DMXL2: variants seen among roughly 807,000 people sequenced by gnomAD.
The protein encoded by DMXL2 is dmX-like protein 2.
Under a neutral mutation model 331.1 loss-of-function variants are expected in DMXL2, and 103 were observed. That is an observed-to-expected ratio of 0.31 (90% confidence interval 0.27 to 0.37). DMXL2 has a LOEUF of 0.37. Ranked by LOEUF, DMXL2 falls within the 10% of genes least tolerant of loss-of-function variation. The probability of loss-of-function intolerance (pLI) is 1.00; values close to 1 mark genes in which losing one functional copy is unlikely to be tolerated. For synonymous variants in DMXL2, 1,281 were observed against 1,252.1 expected (o/e 1.02, Z -0.49); for missense variants, 3,171 against 3,642.9 (o/e 0.87, Z 3.33).
At chr15:51,598,866 C>T (rs765653033) in intron 1 of DMXL2, among the ~76,000 whole-genome samples, 1 of 152,118 alleles carries the variant, frequency 6.6e-6, no homozygotes, top group Middle Eastern at 3.2e-3. Context: ...AATAAGTATA[C>T]TGTGGGAATA....
chr15:51,572,964 G>A (rs557821893), intron 2 of DMXL2, among the ~76,000 whole-genome samples: 4 of 152,090 alleles, frequency 2.6e-5, no homozygotes, highest in African/African-American at 9.7e-5. Flanking sequence ...AGAAATAAAG[G>A]GTATTCAATT....
intron 2 of DMXL2, among the ~76,000 whole-genome samples, chr15:51,572,098 G>A (rs984681182): frequency 2.6e-5 from 4 of 151,778 alleles, no homozygotes; most frequent in African/African-American, 9.7e-5. Flanking sequence ...AATGATAAAG[G>A]GGATATCACC....
At chr15:51,533,288 T>C (rs966281319) in intron 13 of DMXL2, among the ~76,000 whole-genome samples, 1 of 152,138 alleles carries the variant, frequency 6.6e-6, no homozygotes, top group African/African-American at 2.4e-5. Flanking sequence ...CCCAAAGTGC[T>C]TGGATTACAG....
chr15:51,482,648 G>A (rs2042098449), intron 23 of DMXL2, among the ~76,000 whole-genome samples: 1 of 152,178 alleles, frequency 6.6e-6, no homozygotes, highest in South Asian at 2.1e-4. Flanking sequence ...CAGGTCTGGG[G>A]CAGGAAATGT....
chr15:51,476,520 G>T (rs2041594334), intron 27 of DMXL2, 69 bp downstream of exon 27: 4 of 1,544,708 alleles, frequency 2.6e-6, no homozygotes, highest in South Asian at 2.4e-5. Flanking sequence ...GCAGGAAACT[G>T]GTCAGTAGGC....
chr15:51,523,398 C>T (rs2047487537), intron 13 of DMXL2, among the ~76,000 whole-genome samples: 1 of 152,192 alleles, frequency 6.6e-6, no homozygotes, highest in South Asian at 2.1e-4. Flanking sequence ...GCTCAAGAGA[C>T]TTTGAAAGTT....
chr15:51,531,690 T>C (rs2140842672), intron 13 of DMXL2, among the ~76,000 whole-genome samples: 1 of 152,214 alleles, frequency 6.6e-6, no homozygotes, highest in Admixed American at 6.5e-5. Flanking sequence ...AATCTAGTAA[T>C]CTGATCAAAA....
intron 26 of DMXL2, 62 bp from the exon 27 acceptor site, chr15:51,476,781 T>C: frequency 7.1e-7 from 1 of 1,399,350 alleles, no homozygotes; most frequent in Non-Finnish European, 9.6e-7. Flanking sequence ...GCACTTTATG[T>C]ATATCATCTA....
In DMXL2 at chr15:51,481,515, G is replaced by A. The variant is rs753558113; in HGVS notation, c.5591C>T (p.Thr1864Ile). Residue 1864 changes from threonine to isoleucine, a missense_variant, in exon 24 of 44, where the codon ACC (threonine) becomes ATC (isoleucine). Transcript: ENST00000560891. ...NLASPEGTLA[T>I]LGLKTEKNFV... The stretch of plus-strand genomic sequence containing the variant: ...GTTCTTCTCAGTTTTGAGACCTAAG[G>A]TTGCCAAAGTTCCTTCAGGGGAGGC... 1.2e-6 allele frequency: 2 copies of A among 1,613,556 alleles called. No homozygotes were observed. The highest frequency in any genetic ancestry group is 1.7e-6 in the Non-Finnish European group (2 of 1,179,830).
intron 22 of DMXL2, among the ~76,000 whole-genome samples, chr15:51,486,720 A>G (rs556905257): frequency 1.3e-4 from 20 of 152,172 alleles, no homozygotes; most frequent in Non-Finnish European, 2.6e-4. Flanking sequence ...TATCTGCCTC[A>G]TATTTAAATA....
chr15:51,583,081 G>C (rs949044079), intron 1 of DMXL2, among the ~76,000 whole-genome samples: 9 of 144,998 alleles, frequency 6.2e-5, no homozygotes, highest in Non-Finnish European at 4.5e-5. Context: ...TTCTACATCA[G>C]CACAGAGGAA....
chr15:51,486,839 G>A (rs1402377142), intron 22 of DMXL2, among the ~76,000 whole-genome samples: 2 of 151,874 alleles, frequency 1.3e-5, no homozygotes, highest in Non-Finnish European at 2.9e-5. Context: ...GGCAATATGA[G>A]CATCTCTCAG....
intron 1 of DMXL2, among the ~76,000 whole-genome samples, chr15:51,577,142 C>T (rs2051102532): frequency 6.6e-6 from 1 of 152,116 alleles, no homozygotes; most frequent in Admixed American, 6.6e-5. Context: ...AAGAAAAGCT[C>T]CATTAAAAGC....
At chr15:51,506,134 G>A (rs868697934) in intron 16 of DMXL2, among the ~76,000 whole-genome samples, 11 of 152,156 alleles carry the variant, frequency 7.2e-5, no homozygotes, top group African/African-American at 2.2e-4. Flanking sequence ...GTGCGGTGGT[G>A]CAGTCTCGGC....
chr15:51,568,706 C>T, intron 2 of DMXL2, 148 bp from the exon 3 acceptor site: 2 of 608,322 alleles, frequency 3.3e-6, no homozygotes, highest in Non-Finnish European at 5.5e-6. Context: ...TGGAAGTGTA[C>T]TGGAGTTAAG....
At position 51,546,436 on chromosome 15, in the gene DMXL2, CATT is replaced by C. The variant is rs553771355; in HGVS notation, c.747-673_747-671del. 9.9e-5 allele frequency among the ~76,000 whole-genome samples: 15 copies of C among 152,214 alleles called. No homozygotes were observed. The South Asian group carries it at 2.5e-3, about 25-fold the overall frequency. ...ATTCAAAAAGTATATAAATTTCCCA[CATT>C]ATCATTTACTGAGCATCTCTACAAT... On this transcript the variant is annotated intron_variant, in intron 7 of 43. Transcript: ENST00000560891.
chr15:51,590,010 T>C (rs1463059366), intron 1 of DMXL2, among the ~76,000 whole-genome samples: 1 of 152,244 alleles, frequency 6.6e-6, no homozygotes, highest in Non-Finnish European at 1.5e-5. Flanking sequence ...ATTGTTCATC[T>C]TATTCACAGG....
chr15:51,516,993 T>A (rs2140674801), intron 14 of DMXL2, 85 bp downstream of exon 14: 1 of 1,035,682 alleles, frequency 9.7e-7, no homozygotes, highest in Middle Eastern at 2.1e-4. Flanking sequence ...AAGAAAATTA[T>A]TCTGAGAATG....
intron 15 of DMXL2, among the ~76,000 whole-genome samples, chr15:51,511,805 G>A (rs569772427): frequency 3.9e-5 from 6 of 152,260 alleles, no homozygotes; most frequent in African/African-American, 1.4e-4. Flanking sequence ...GCCCATCAAT[G>A]ATAGACTGGA....
Sources: allele counts gnomAD v4.1 joint callset (sites outside exome capture counted in the v4.1 genomes callset), GRCh38; gene constraint gnomAD v4.1.1; transcripts MANE v1.5; gene names NCBI Gene and HGNC (gene_info 2026-07-23, HGNC 2026-07-21).